The following MGRN1 variants were observed in gnomAD, a reference collection of about 807,000 sequenced individuals.
The protein encoded by MGRN1 is mahogunin ring finger 1.
Under a neutral mutation model 69.2 loss-of-function variants are expected in MGRN1, and 29 were observed. The ratio of observed to expected loss-of-function variants is 0.42; its 90% CI spans 0.31 to 0.57. The LOEUF (loss-of-function observed/expected upper bound fraction) is 0.57. Ranked by LOEUF, MGRN1 falls within the 20% of genes least tolerant of loss-of-function variation. The pLI is 0.15. For missense variants in MGRN1, 998 were observed against 796.2 expected, an observed-to-expected ratio of 1.25 and a Z score of -3.05; for synonymous variants, 470 against 344.2, an observed-to-expected ratio of 1.37 and a Z score of -4.04.
intron 1 of MGRN1, among the ~76,000 whole-genome samples, chr16:4,630,040 C>T (rs1176691878): frequency 7.8e-6 from 1 of 127,486 alleles, no homozygotes; most frequent in Non-Finnish European, 1.6e-5. Flanking sequence ...AACAGTGAGA[C>T]ACCATCTCAA....
chr16:4,636,635 C>T (rs923967061), intron 1 of MGRN1, among the ~76,000 whole-genome samples: 4 of 152,106 alleles, frequency 2.6e-5, no homozygotes, highest in African/African-American at 9.7e-5. Flanking sequence ...GTGTTGGTCG[C>T]TCTGCATTCA....
In MGRN1 at chr16:4,652,736, A is replaced by G. The variant is rs369600911; in HGVS notation, c.355A>G (p.Ser119Gly). ...EDGDKPRVLY[S>G]LEFTFDADAR... ...CGGCGACAAGCCCCGGGTGCTCTAC[A>G]GCCTGGAGTTCACCTTCGACGCCGA... Residue 119 changes from serine to glycine, a missense_variant, in exon 4 of 17, where the codon AGC becomes GGC. Ser to Gly is a moderately conservative substitution (Grantham distance 56). Transcript: ENST00000262370. 9 of 1,613,080 alleles carry G rather than the reference A, an allele frequency of 5.6e-6. No homozygotes were observed. The highest frequency in any genetic ancestry group is 1.1e-5 in the South Asian group (1 of 90,940).
intron 4 of MGRN1, among the ~76,000 whole-genome samples, chr16:4,655,165 G>A (rs1216341346): frequency 2.6e-5 from 4 of 152,160 alleles, no homozygotes; most frequent in South Asian, 4.1e-4. Flanking sequence ...GGGTTGTGGC[G>A]AGGTGTCCAG....
intron 4 of MGRN1, 142 bp downstream of exon 4, chr16:4,652,966 G>T: frequency 8.6e-7 from 1 of 1,168,062 alleles, no homozygotes; most frequent in African/African-American, 1.6e-5. Flanking sequence ...ACGATGTGAG[G>T]GGTTTCTCCC....
At chr16:4,687,292 A>G (rs1021024923) in intron 16 of MGRN1, 2 of 985,226 alleles carry the variant, frequency 2.0e-6, no homozygotes, top group Non-Finnish European at 2.4e-6. Flanking sequence ...GTTCGCACCT[A>G]TAAGCCCGGT....
intron 10 of MGRN1, among the ~76,000 whole-genome samples, chr16:4,674,601 C>CTTTTT (rs765816998): frequency 1.1e-4 from 7 of 64,858 alleles, no homozygotes; most frequent in African/African-American, 2.4e-4. Context: ...CTTTTCTTTT[C>CTTTTT]TTTTTTTTTC....
chr16:4,651,426 C>A (rs1211259708), intron 2 of MGRN1, among the ~76,000 whole-genome samples: 2 of 152,160 alleles, frequency 1.3e-5, no homozygotes, highest in Admixed American at 1.3e-4. Context: ...ACTGGAGAGG[C>A]CATGGCTGAA....
rs544582912 is a variant in MGRN1 at position 4,624,831 on chromosome 16, C to A, written c.-130C>A. ...CCCCGGGCCGAGCCGGGGGTGGGGG[C>A]TCGAGGCGCCTCCGCGGCCGTGGAC... On this transcript the variant is annotated 5_prime_UTR_variant, in exon 1 of 17. Transcript: ENST00000262370. The A allele has an allele frequency of 3.0e-6, 2 of 674,234 alleles. No homozygotes were observed. Among genetic ancestry groups the A allele is most frequent in the Non-Finnish European group, 4.3e-6 (2 of 466,702 alleles). The allele number at this position is 674,234 out of a possible 1,614,324, so 41.8% of individuals were successfully genotyped here.
At chr16:4,679,134 C>T (rs115698551) in intron 11 of MGRN1, among the ~76,000 whole-genome samples, 5 of 152,318 alleles carry the variant, frequency 3.3e-5, no homozygotes, top group African/African-American at 9.6e-5. Context: ...GATTCGGAAA[C>T]GCTGCGTGTG....
intron 16 of MGRN1, chr16:4,686,118 T>C (rs1167575328): frequency 2.0e-6 from 2 of 1,005,542 alleles, no homozygotes; most frequent in South Asian, 1.6e-5. Context: ...GTTCTCCTTG[T>C]GGTTCTCTGT....
chr16:4,649,681 G>C (rs1273373690), intron 1 of MGRN1: 1 of 152,420 alleles, frequency 6.6e-6, no homozygotes, highest in Non-Finnish European at 1.5e-5. Context: ...AAGGTCACAT[G>C]CACAGGTAGG....
chr16:4,664,795 T>A lies in MGRN1; in HGVS notation c.628+20T>A, dbSNP rs757174605. On this transcript the variant is annotated intron_variant, in intron 6 of 16. Transcript: ENST00000262370. Reference sequence around the variant, plus strand: ...GAGATGGTGAGTGCGTCCTCTTCCGTCCTCCTGGGCGTGCAGGCCGTGCAG... The same window carrying A: ...GAGATGGTGAGTGCGTCCTCTTCCGACCTCCTGGGCGTGCAGGCCGTGCAG... 1 of 1,613,658 alleles carries A rather than the reference T, an allele frequency of 6.2e-7. No homozygotes were observed. The highest frequency in any genetic ancestry group is 1.3e-5 in the African/African-American group (1 of 74,910).
chr16:4,688,926 C>T lies in MGRN1; in HGVS notation c.*18C>T, dbSNP rs1202655123. The T allele has an allele frequency of 2.0e-6, 3 of 1,530,338 alleles. No homozygotes were observed. Among genetic ancestry groups the T allele is most frequent in the East Asian group, 2.5e-5 (1 of 40,408 alleles). 94.8% of individuals were successfully genotyped at this position (1,530,338 alleles called of 1,614,324 possible). A position where few individuals can be genotyped will look rare whatever the true frequency, so the allele number is the denominator to read the frequency against. On this transcript the variant is annotated 3_prime_UTR_variant, in exon 17 of 17. Transcript: ENST00000262370. ...CACTCTGAGAGCCTGGCCGAGCTGG[C>T]AGCATGGAGCCCTCGGCTCCCCAGA...
chr16:4,671,712 A>G (rs2078940986), intron 9 of MGRN1, among the ~76,000 whole-genome samples: 1 of 152,196 alleles, frequency 6.6e-6, no homozygotes, highest in African/African-American at 2.4e-5. Flanking sequence ...AATGGGGGCC[A>G]GTGTCTCACC....
At chr16:4,681,400 C>A in intron 12 of MGRN1, 150 bp from the exon 13 acceptor site, 1 of 670,502 alleles carries the variant, frequency 1.5e-6, no homozygotes. Context: ...GGGAGGGCAT[C>A]GGTGCTGCCA....
At chr16:4,673,169 C>T (rs557579291) in intron 9 of MGRN1, among the ~76,000 whole-genome samples, 9 of 152,254 alleles carry the variant, frequency 5.9e-5, no homozygotes, top group South Asian at 4.1e-4. Context: ...CCAAAGATAA[C>T]GGGTACCCTG....
At chr16:4,647,991 C>T (rs558884433) in intron 1 of MGRN1, among the ~76,000 whole-genome samples, 7 of 152,140 alleles carry the variant, frequency 4.6e-5, no homozygotes, top group African/African-American at 9.6e-5. Context: ...TAACTGGGGC[C>T]GTGGTTCTCG....
At chr16:4,661,668 C>A (rs1379086501) in intron 5 of MGRN1, among the ~76,000 whole-genome samples, 2 of 152,288 alleles carry the variant, frequency 1.3e-5, no homozygotes, top group Admixed American at 1.3e-4. Flanking sequence ...GACCACGGCA[C>A]TTCTCAGCCT....
At chr16:4,662,718 G>C (rs2078710272) in intron 5 of MGRN1, among the ~76,000 whole-genome samples, 1 of 152,192 alleles carries the variant, frequency 6.6e-6, no homozygotes, top group Non-Finnish European at 1.5e-5. Flanking sequence ...AGCCACCCTG[G>C]TCACTGGGGT....
Sources: allele counts gnomAD v4.1 joint callset (sites outside exome capture counted in the v4.1 genomes callset), GRCh38; gene constraint gnomAD v4.1.1; transcripts MANE v1.5; gene names NCBI Gene and HGNC (gene_info 2026-07-23, HGNC 2026-07-21).